Variants in CUBN observed in about 807,000 individuals in gnomAD.
CUBN encodes the protein cubilin.
Under a neutral mutation model 405.3 loss-of-function variants are expected in CUBN, and 282 were observed. That is an observed-to-expected ratio of 0.70 (90% CI 0.63 to 0.77). The LOEUF (loss-of-function observed/expected upper bound fraction) is 0.77, where lower values mean the gene tolerates loss of function less well. Ranked by LOEUF, CUBN falls within the 30% of genes least tolerant of loss-of-function variation. The pLI, the probability that CUBN is intolerant of heterozygous loss-of-function variation, is 0.00. For missense variants in CUBN, 4,514 were observed against 4,475.2 expected (o/e 1.01, Z -0.25); for synonymous variants, 1,684 against 1,617.0 (o/e 1.04, Z -0.99).
chr10:16,944,397 C>T (rs1224419043), intron 36 of CUBN, among the ~76,000 whole-genome samples: 1 of 152,150 alleles, frequency 6.6e-6, no homozygotes, highest in East Asian at 1.9e-4. Context: ...CTCCCCGTTC[C>T]TTTTTGTTGC....
chr10:16,894,430 T>G (rs1841120555), intron 54 of CUBN, among the ~76,000 whole-genome samples: 1 of 152,200 alleles, frequency 6.6e-6, no homozygotes, highest in South Asian at 2.1e-4. Flanking sequence ...CCTGTGGATG[T>G]TCAATTGCTC....
At position 16,888,462 on chromosome 10, in the gene CUBN, G is replaced by C. The variant is rs139931862; in HGVS notation, c.8860C>G (p.Pro2954Ala). 17 of 1,613,138 alleles carry C rather than the reference G, an allele frequency of 1.1e-5. No homozygotes were observed. The highest frequency in any genetic ancestry group is 1.6e-4 in the Middle Eastern group (1 of 6,080). The change falls in exon 56 of 67, where the codon CCT becomes GCT. Residue 2954 changes from proline to alanine, a missense_variant. Pro to Ala is a conservative substitution (Grantham distance 27, BLOSUM62 -1). This residue lies in a region of CUBN where 1,186 missense variants were observed against 1,186.9 expected (regional missense o/e 1.00). Coordinates refer to ENST00000377833, the MANE Select transcript of CUBN (RefSeq NM_001081.4). ...MNCTYVIEAN[P>A]LSVVLLTFVS... ...AAAGTCAAGAGGACCACTGACAGAGGATTAGCCTCTATGACATAGGTGCAA... is the reference window on the plus strand; with the variant it reads ...AAAGTCAAGAGGACCACTGACAGAGCATTAGCCTCTATGACATAGGTGCAA...
At position 16,997,212 on chromosome 10, in the gene CUBN, G is replaced by A. The variant is rs1044795862; in HGVS notation, c.4169-6697C>T. Among the ~76,000 whole-genome samples, 5 of 152,088 alleles carry A rather than the reference G, an allele frequency of 3.3e-5. No homozygotes were observed. The South Asian group carries it at 6.2e-4, about 19-fold the overall frequency. ...GCACTTAGGGAGGCAAAGGCAGGCCGATCACAAGGTCTGGAGATCGAGACC... is the reference window on the plus strand; with the variant it reads ...GCACTTAGGGAGGCAAAGGCAGGCCAATCACAAGGTCTGGAGATCGAGACC... On this transcript the variant is annotated intron_variant, in intron 28 of 66. Transcript: ENST00000377833.
intron 22 of CUBN, 92 bp from the exon 23 acceptor site, chr10:17,047,695 T>A: frequency 1.7e-6 from 2 of 1,206,578 alleles, no homozygotes; most frequent in South Asian, 1.3e-5. Flanking sequence ...AATTTGTGCC[T>A]ATACTTGATT....
At chr10:16,932,296 G>C (rs1050826006) in intron 40 of CUBN, among the ~76,000 whole-genome samples, 1 of 152,130 alleles carries the variant, frequency 6.6e-6, no homozygotes, top group Non-Finnish European at 1.5e-5. Flanking sequence ...GTTTCTTTTT[G>C]CTGAGAACAT....
At chr10:17,045,473 C>A (rs370232311) in intron 24 of CUBN, among the ~76,000 whole-genome samples, 1 of 151,554 alleles carries the variant, frequency 6.6e-6, no homozygotes, top group African/African-American at 2.4e-5. Context: ...GATTCTCCTG[C>A]CTCAGCCTCC....
intron 64 of CUBN, among the ~76,000 whole-genome samples, chr10:16,833,981 G>A (rs1330910654): frequency 2.0e-5 from 3 of 152,236 alleles, no homozygotes; most frequent in African/African-American, 4.8e-5. Flanking sequence ...TACAAAGCCA[G>A]TTTAGAGACG....
chr10:17,114,020 A>T lies in CUBN; in HGVS notation c.883+7T>A. ...GCAGAGCCTGGCTTGTGGCCCTGAGAATGTACCTGTTGGACAGGCCCCACA... is the reference window on the plus strand; with the variant it reads ...GCAGAGCCTGGCTTGTGGCCCTGAGTATGTACCTGTTGGACAGGCCCCACA... On this transcript the variant is annotated splice_region_variant and intron_variant, in intron 8 of 66. Transcript: ENST00000377833. 1 of 1,611,740 alleles carries T rather than the reference A, an allele frequency of 6.2e-7. No individual in the cohort carries two copies. Among genetic ancestry groups the T allele is most frequent in the East Asian group, 2.2e-5 (1 of 44,778 alleles).
rs765817018 is a variant in CUBN, at chr10:16,947,379, T to C, written c.5210-12A>G. Reference sequence around the variant, plus strand: ...CGTTCCACCACAAGCTGGAAGAAAATAGAAATAAAGTGAGTATCAGAGCAA... The same window carrying C: ...CGTTCCACCACAAGCTGGAAGAAAACAGAAATAAAGTGAGTATCAGAGCAA... On this transcript the variant is annotated splice_polypyrimidine_tract_variant and intron_variant, in intron 35 of 66. Transcript: ENST00000377833. 1.8e-5 allele frequency: 29 copies of C among 1,613,196 alleles called. No homozygotes were observed. The highest frequency in any genetic ancestry group is 2.4e-5 in the Non-Finnish European group (28 of 1,179,824).
At chr10:17,079,254 T>TC (rs397697895) in intron 17 of CUBN, among the ~76,000 whole-genome samples, 6 of 149,806 alleles carry the variant, frequency 4.0e-5, no homozygotes, top group South Asian at 2.1e-4. Context: ...TTTTTTTTTT[T>TC]AGATGGAGTC....
At chr10:17,099,392 A>G (rs10904876) in intron 14 of CUBN, among the ~76,000 whole-genome samples, 93,640 of 152,042 alleles carry the variant, frequency 0.62, 30,115 homozygotes, top group Non-Finnish European at 0.72. Context: ...AATGTCCTCA[A>G]TATTCCTGCA....
At chr10:16,964,280 G>GA (rs1234358626) in intron 31 of CUBN, among the ~76,000 whole-genome samples, 6 of 151,958 alleles carry the variant, frequency 3.9e-5, no homozygotes, top group African/African-American at 1.2e-4. Flanking sequence ...AACAAGAAAA[G>GA]AAAAAACCCA....
chr10:16,975,387 T>C (rs1464438567), intron 31 of CUBN, among the ~76,000 whole-genome samples: 1 of 152,168 alleles, frequency 6.6e-6, no homozygotes, highest in Non-Finnish European at 1.5e-5. Flanking sequence ...CCCATGTAGG[T>C]GGAAAACCCT....
intron 22 of CUBN, among the ~76,000 whole-genome samples, chr10:17,058,354 T>A (rs1473492411): frequency 6.6e-6 from 1 of 152,010 alleles, no homozygotes; most frequent in African/African-American, 2.4e-5. Context: ...CTGAAAATTA[T>A]GGATAAATTT....
At chr10:16,839,304 A>G (rs1195567048) in intron 62 of CUBN, among the ~76,000 whole-genome samples, 1 of 152,088 alleles carries the variant, frequency 6.6e-6, no homozygotes, top group African/African-American at 2.4e-5. Context: ...GACACACCTG[A>G]TTGGAGGGCT....
chr10:16,995,381 G>C (rs1833705117), intron 28 of CUBN, among the ~76,000 whole-genome samples: 1 of 152,182 alleles, frequency 6.6e-6, no homozygotes, highest in Non-Finnish European at 1.5e-5. Context: ...ATAGCTGTAT[G>C]AATACTTACT....
chr10:16,893,330 C>T (rs1244827599), intron 54 of CUBN, among the ~76,000 whole-genome samples: 1 of 152,136 alleles, frequency 6.6e-6, no homozygotes, highest in Non-Finnish European at 1.5e-5. Flanking sequence ...AGTATACTAT[C>T]ACAACCAGGT....
intron 57 of CUBN, among the ~76,000 whole-genome samples, chr10:16,874,894 G>C (rs1480016968): frequency 6.6e-6 from 1 of 152,062 alleles, no homozygotes; most frequent in Non-Finnish European, 1.5e-5. Context: ...ATGATGTTCT[G>C]GGCGTACAGA....
chr10:17,019,724 G>A (rs1165323264), intron 28 of CUBN, 109 bp downstream of exon 28: 10 of 1,287,320 alleles, frequency 7.8e-6, no homozygotes, highest in African/African-American at 1.5e-5. Flanking sequence ...ATTACTACCT[G>A]GGTTCCATTA....
Sources: allele counts gnomAD v4.1 joint callset (sites outside exome capture counted in the v4.1 genomes callset), GRCh38; gene constraint gnomAD v4.1.1; regional missense constraint gnomAD v4.1.1; transcripts MANE v1.5; gene names NCBI Gene and HGNC (gene_info 2026-07-23, HGNC 2026-07-21).